DACT2: variants seen among roughly 807,000 people sequenced by gnomAD.
The protein encoded by DACT2 is dapper homolog 2.
In DACT2, 20 loss-of-function variants were observed where a neutral mutation model predicts 22.2. That is an observed-to-expected ratio of 0.90 (90% CI 0.63 to 1.31). DACT2 has a LOEUF of 1.31. Among genes scored for constraint, DACT2 ranks in the 50% most tolerant of loss-of-function variants. DACT2 has a pLI of 0.00. For synonymous variants in DACT2, 463 were observed against 479.8 expected (o/e 0.96, Z 0.46); for missense variants, 1,048 against 1,061.4 (o/e 0.99, Z 0.18).
chr6:168,312,282 A>G (rs1359676425), intron 1 of DACT2, among the ~76,000 whole-genome samples: 1 of 151,288 alleles, frequency 6.6e-6, no homozygotes, highest in Non-Finnish European at 1.5e-5. Flanking sequence ...TGCAGCATCG[A>G]CCTCCCCGGG....
At chr6:168,294,771 C>T (rs551819043) in intron 3 of DACT2, 36 of 700,924 alleles carry the variant, frequency 5.1e-5, no homozygotes, top group East Asian at 4.9e-4. Context: ...AACGATTCTG[C>T]GATTCTGCAG....
At position 168,319,688 on chromosome 6, in the gene DACT2, C is replaced by G. The variant is rs1483510655; in HGVS notation, c.-55G>C. Reference sequence around the variant, plus strand: ...CCCACGAGCGGCGCCGGAGGCCCAGCGCGCGCGGATCCCGAGCTGTGTCGC... The same window carrying G: ...CCCACGAGCGGCGCCGGAGGCCCAGGGCGCGCGGATCCCGAGCTGTGTCGC... On this transcript the variant is annotated 5_prime_UTR_variant, in exon 1 of 4. Coordinates refer to ENST00000366795, the MANE Select transcript of DACT2 (RefSeq NM_214462.5). 4.2e-6 allele frequency: 5 copies of G among 1,191,146 alleles called. No homozygotes were observed. The highest frequency in any genetic ancestry group is 5.2e-6 in the Non-Finnish European group (5 of 960,386). 73.8% of individuals were successfully genotyped at this position (1,191,146 alleles called of 1,614,324 possible). A position where few individuals can be genotyped will look rare whatever the true frequency, so the allele number is the denominator to read the frequency against.
At chr6:168,294,115 T>G (rs1483243746) in intron 5 of DACT2, 1 of 702,898 alleles carries the variant, frequency 1.4e-6, no homozygotes, top group African/African-American at 1.7e-5. Context: ...ACACAGACAG[T>G]GAGCATGGAG....
chr6:168,294,563 G>C (rs1176128100), intron 4 of DACT2: 1 of 327,692 alleles, frequency 3.1e-6, no homozygotes, highest in Non-Finnish European at 4.0e-6. Context: ...GTGTGTGTAT[G>C]TGTGTGTGTG....
rs1235667821 is a variant in DACT2 at position 168,319,567 on chromosome 6, G to A, written c.67C>T (p.Arg23Cys). The change falls in exon 1 of 4, where the codon CGC (arginine) becomes TGC (cysteine). Residue 23 changes from arginine to cysteine, a missense_variant. By Grantham distance (180) the Arg-to-Cys change is radical (BLOSUM62 -3). Coordinates refer to ENST00000366795, the MANE Select transcript of DACT2 (RefSeq NM_214462.5). ...WDRRRLGARLRAAFAGLQELQ... is the reference protein window; with the variant it reads ...WDRRRLGARLCAAFAGLQELQ... ...TCCTGCAGCCCCGCGAACGCCGCGCGCAACCTCGCGCCCAACCTACGGCGG... is the reference window on the plus strand; with the variant it reads ...TCCTGCAGCCCCGCGAACGCCGCGCACAACCTCGCGCCCAACCTACGGCGG... The A allele has an allele frequency of 1.5e-6, 2 of 1,376,946 alleles. No individual in the cohort carries two copies. The highest frequency in any genetic ancestry group is 1.9e-6 in the Non-Finnish European group (2 of 1,057,504). 85.3% of individuals were successfully genotyped at this position (1,376,946 alleles called of 1,614,324 possible).
At chr6:168,312,746 G>A (rs186436556) in intron 1 of DACT2, among the ~76,000 whole-genome samples, 4 of 152,290 alleles carry the variant, frequency 2.6e-5, no homozygotes, top group East Asian at 1.9e-4. Flanking sequence ...CAAAATTTAC[G>A]TGGGAAATGA....
At position 168,310,375 on chromosome 6, in the gene DACT2, T is replaced by C; in HGVS notation, c.451A>G (p.Ile151Val). Residue 151 changes from isoleucine to valine, a missense_variant, in exon 3 of 4, where the codon ATC (isoleucine) becomes GTC (valine). Transcript: ENST00000366795. ...TSCASVCSDHISPSLGSLLPV... is the reference protein window; with the variant it reads ...TSCASVCSDHVSPSLGSLLPV... Reference sequence around the variant, plus strand: ...AACAAACTGCCCAGCGAGGGAGAGATGTGGTCACTGCAGACGGAGGCACAG... The same window carrying C: ...AACAAACTGCCCAGCGAGGGAGAGACGTGGTCACTGCAGACGGAGGCACAG... 1 of 1,551,588 alleles carries C rather than the reference T, an allele frequency of 6.4e-7. No homozygotes were observed. The highest frequency in any genetic ancestry group is 8.7e-7 in the Non-Finnish European group (1 of 1,146,956).
At chr6:168,301,516 A>T (rs187704130) in intron 3 of DACT2, among the ~76,000 whole-genome samples, 190 of 152,332 alleles carry the variant, frequency 1.2e-3, no homozygotes, top group Non-Finnish European at 2.2e-3. Flanking sequence ...GAAGCTCAAC[A>T]GTAACTTCTG....
At chr6:168,309,459 G>T in intron 3 of DACT2, among the ~76,000 whole-genome samples, 1 of 152,258 alleles carries the variant, frequency 6.6e-6, no homozygotes, top group African/African-American at 2.4e-5. Flanking sequence ...TGTAGACACA[G>T]GGTGCGGGGC....
Position 168,307,759 on chromosome 6 carries a change from G to A in DACT2, c.1998C>T (p.His666=). 1 of 1,547,466 alleles carries A rather than the reference G, an allele frequency of 6.5e-7. No individual in the cohort carries two copies. The highest frequency in any genetic ancestry group is 1.4e-5 in the African/African-American group (1 of 73,172). The change falls in exon 4 of 4, where the codon CAC becomes CAT. Residue 666 remains histidine (H), a synonymous_variant. Transcript: ENST00000366795. This position sits in a 1 kb window ranked among gnomAD's most constrained non-coding sequence, Gnocchi z 5.3. ...GGAACCGCGGGTCACACTCGGCCGAGTGCTTGGAGGGCTCTGAGTCGCTCC... is the reference window on the plus strand; with the variant it reads ...GGAACCGCGGGTCACACTCGGCCGAATGCTTGGAGGGCTCTGAGTCGCTCC... ...YTRSDSEPSK[H]SAECDPRFPS...
Position 168,308,359 on chromosome 6 carries a change from C to A in DACT2, c.1398G>T (p.Met466Ile). 2 of 1,551,956 alleles carry A rather than the reference C, an allele frequency of 1.3e-6. No homozygotes were observed. The highest frequency in any genetic ancestry group is 1.7e-6 in the Non-Finnish European group (2 of 1,147,044). The part of the protein sequence containing the change: ...GRGNIISPSR[M>I]LDKSPSPASG... ...AGGCCGGTGAGGGGCTCTTGTCCAG[C>A]ATCCTGGATGGGGATATGATGTTGC... is the stretch of plus-strand genomic sequence containing the variant. Residue 466 changes from methionine (M) to isoleucine (I), a missense_variant, in exon 4 of 4, where the codon ATG becomes ATT. Transcript: ENST00000366795.
chr6:168,310,224 C>A lies in DACT2; in HGVS notation c.602G>T (p.Ser201Ile), dbSNP rs1779359704. Residue 201 changes from serine (S) to isoleucine (I), a missense_variant, in exon 3 of 4, where the codon AGC becomes ATC. Ser to Ile is a moderately radical substitution (Grantham distance 142). Coordinates refer to ENST00000366795, the MANE Select transcript of DACT2 (RefSeq NM_214462.5). ...CCACGGCTGGCCTGCATCCTCCACG[C>A]TCCCTGGGGGCCTGGCGCCCTCCTC... The part of the protein sequence containing the change: ...ATEEGARPPG[S>I]VEDAGQPWGT... 1 of 1,551,028 alleles carries A rather than the reference C, an allele frequency of 6.4e-7. No homozygotes were observed. The highest frequency in any genetic ancestry group is 1.4e-5 in the African/African-American group (1 of 73,068).
intron 1 of DACT2, among the ~76,000 whole-genome samples, chr6:168,319,037 C>T (rs1562501460): frequency 6.6e-6 from 1 of 152,120 alleles, no homozygotes; most frequent in East Asian, 1.9e-4. Context: ...CCGGTCAGTG[C>T]CTGCAGGTCA....
At chr6:168,293,816 C>T in exon 6 of DACT2, 1 of 701,082 alleles carries the variant, frequency 1.4e-6, no homozygotes, top group East Asian at 2.7e-5. Flanking sequence ...GGAGAAGAAG[C>T]TGGGCCTGTG....
In DACT2 at chr6:168,307,860, T is replaced by C. The variant is rs1562495020; in HGVS notation, c.1897A>G (p.Arg633Gly). Reference sequence around the variant, plus strand: ...CCACCTGCTCTCCTGGCCACGGGCCTGGGGGGCCCCAGGTTAGACTCAGGA... The same window carrying C: ...CCACCTGCTCTCCTGGCCACGGGCCCGGGGGGCCCCAGGTTAGACTCAGGA... ...SCPESNLGPPRPVARRAGGPL... is the reference protein window; with the variant it reads ...SCPESNLGPPGPVARRAGGPL... The change falls in exon 4 of 4, where the codon AGG becomes GGG. Residue 633 changes from arginine (R) to glycine (G), a missense_variant. Coordinates refer to ENST00000366795, the MANE Select transcript of DACT2 (RefSeq NM_214462.5). The surrounding 1 kb of genome is among the most constrained non-coding windows in gnomAD (Gnocchi z 5.3). 6.5e-7 allele frequency: 1 copy of C among 1,538,700 alleles called. No individual in the cohort carries two copies. Among genetic ancestry groups the C allele is most frequent in the Non-Finnish European group, 8.7e-7 (1 of 1,145,856 alleles).
intron 1 of DACT2, 88 bp downstream of exon 1, chr6:168,319,300 C>T (rs535169298): frequency 9.1e-7 from 1 of 1,104,728 alleles, no homozygotes; most frequent in African/African-American, 1.6e-5. Context: ...CAGACACCCC[C>T]GTCCCACTAA....
At chr6:168,294,577 G>GTGTGTGTATATATATA (rs1177617130) in intron 4 of DACT2, 13 of 124,476 alleles carry the variant, frequency 1.0e-4, no homozygotes, top group Admixed American at 4.9e-4. Flanking sequence ...GTGTGTGTGT[G>GTGTGTGTATATATATA]TATATATATA....
chr6:168,319,742 C>G lies in DACT2; in HGVS notation c.-109G>C. On this transcript the variant is annotated 5_prime_UTR_variant, in exon 1 of 4. Coordinates refer to ENST00000366795, the MANE Select transcript of DACT2 (RefSeq NM_214462.5). ...TCCTCCTGCGCCTCCTCTCTCCGCC[C>G]CCGGCTCCGCAGGTCGCCAAGGTGG... 8.5e-7 allele frequency: 1 copy of G among 1,179,206 alleles called. No individual in the cohort carries two copies. Among genetic ancestry groups the G allele is most frequent in the Non-Finnish European group, 1.0e-6 (1 of 954,092 alleles). The allele number at this position is 1,179,206 out of a possible 1,614,324, so 73.0% of individuals were successfully genotyped here. A position where few individuals can be genotyped will look rare whatever the true frequency, so the allele number is the denominator to read the frequency against.
chr6:168,294,136 T>C (rs1430197628), exon 5 of DACT2: 5 of 702,964 alleles, frequency 7.1e-6, no homozygotes, highest in Non-Finnish European at 1.0e-5. Flanking sequence ...CACTTACCAC[T>C]GAGCAGAAAG....
Sources: allele counts gnomAD v4.1 joint callset (sites outside exome capture counted in the v4.1 genomes callset), GRCh38; gene constraint gnomAD v4.1.1; non-coding constraint Gnocchi (gnomAD v3.1); transcripts MANE v1.5; gene names NCBI Gene and HGNC (gene_info 2026-07-23, HGNC 2026-07-21).